The following SAMD4A variants were observed in gnomAD, a reference collection of about 807,000 sequenced individuals.
SAMD4A encodes protein Smaug homolog 1.
SAMD4A carries 33 observed loss-of-function variants against 81.3 expected under a neutral mutation model. That is an observed-to-expected ratio of 0.41 (90% CI 0.31 to 0.54). The LOEUF is 0.54. Ranked by LOEUF, SAMD4A falls within the 20% of genes least tolerant of loss-of-function variation. The pLI is 0.37. For missense variants in SAMD4A, 854 were observed against 951.1 expected, an observed-to-expected ratio of 0.90 and a Z score of 1.34; for synonymous variants, 389 against 382.1, an observed-to-expected ratio of 1.02 and a Z score of -0.21.
chr14:54,570,071 G>A (rs1319651677), intron 2 of SAMD4A, among the ~76,000 whole-genome samples: 1 of 152,132 alleles, frequency 6.6e-6, no homozygotes, highest in Non-Finnish European at 1.5e-5. Flanking sequence ...AAATGATGTA[G>A]ATATACAAAA....
At chr14:54,749,559 A>G (rs1464683242) in intron 5 of SAMD4A, among the ~76,000 whole-genome samples, 1 of 152,210 alleles carries the variant, frequency 6.6e-6, no homozygotes. Context: ...CATAGGTCTC[A>G]GATTTCATTT....
At chr14:54,752,487 G>A (rs1017213528) in intron 6 of SAMD4A, among the ~76,000 whole-genome samples, 1 of 152,232 alleles carries the variant, frequency 6.6e-6, no homozygotes, top group Non-Finnish European at 1.5e-5. Flanking sequence ...GATTTTGGAA[G>A]GGAACAGAGT....
chr14:54,773,581 C>T lies in SAMD4A; in HGVS notation c.1716-1353C>T, dbSNP rs145882063. On this transcript the variant is annotated intron_variant, in intron 9 of 12. Coordinates refer to ENST00000554335, the MANE Select transcript of SAMD4A (RefSeq NM_015589.6). ...TCAGTGCTGAGGTCACCCAACCCAA[C>T]GGCAGCGCCGGCATCTGCACGTGAT... 4.7e-3 allele frequency among the ~76,000 whole-genome samples: 713 copies of T among 152,334 alleles called. 6 individuals carry two copies. The highest frequency in any genetic ancestry group is 0.016 in the African/African-American group (652 of 41,570).
intron 11 of SAMD4A, among the ~76,000 whole-genome samples, chr14:54,778,070 T>A (rs2038905305): frequency 6.6e-6 from 1 of 152,174 alleles, no homozygotes; most frequent in South Asian, 2.1e-4. Flanking sequence ...AGGAGATCTG[T>A]CACCTTGAAT....
At chr14:54,688,993 A>G (rs1190100880) in intron 2 of SAMD4A, among the ~76,000 whole-genome samples, 2 of 138,880 alleles carry the variant, frequency 1.4e-5, no homozygotes, top group Admixed American at 1.5e-4. Context: ...GTCCAATGGC[A>G]CAATCTTGGC....
intron 2 of SAMD4A, among the ~76,000 whole-genome samples, chr14:54,701,549 C>T (rs2036715992): frequency 6.6e-6 from 1 of 152,056 alleles, no homozygotes; most frequent in Non-Finnish European, 1.5e-5. Flanking sequence ...TCTTTTTTTC[C>T]CTGACAAATT....
At chr14:54,662,031 G>A (rs961191602) in intron 2 of SAMD4A, among the ~76,000 whole-genome samples, 18 of 152,222 alleles carry the variant, frequency 1.2e-4, no homozygotes, top group African/African-American at 4.3e-4. Flanking sequence ...AGCCAGAGAA[G>A]GTGATCAGAT....
At chr14:54,623,742 A>G (rs1054672676) in intron 2 of SAMD4A, among the ~76,000 whole-genome samples, 3 of 152,310 alleles carry the variant, frequency 2.0e-5, no homozygotes, top group African/African-American at 7.2e-5. Flanking sequence ...GGGAGGTCCC[A>G]GTTATTACTG....
At chr14:54,737,361 A>ACCAGAG in intron 4 of SAMD4A, 74 bp downstream of exon 4, 1 of 1,565,190 alleles carries the variant, frequency 6.4e-7, no homozygotes, top group Non-Finnish European at 8.7e-7. Flanking sequence ...AAAAAAAGAG[A>ACCAGAG]GGTAGTCAGC....
At chr14:54,702,714 G>A in intron 3 of SAMD4A, 134 bp downstream of exon 3, 2 of 1,100,050 alleles carry the variant, frequency 1.8e-6, no homozygotes, top group African/African-American at 1.6e-5. Flanking sequence ...TTGGCTGTGG[G>A]AAAGGTCCTT....
At chr14:54,601,294 A>G (rs2034046282) in intron 2 of SAMD4A, among the ~76,000 whole-genome samples, 1 of 152,054 alleles carries the variant, frequency 6.6e-6, no homozygotes, top group African/African-American at 2.4e-5. Flanking sequence ...CATGTGGATT[A>G]GCTCTTTTTT....
At chr14:54,701,858 G>T (rs2036727273) in intron 2 of SAMD4A, among the ~76,000 whole-genome samples, 1 of 152,232 alleles carries the variant, frequency 6.6e-6, no homozygotes, top group Admixed American at 6.5e-5. Flanking sequence ...CAATATCTAA[G>T]AATGTTTGAT....
chr14:54,588,777 T>C (rs2033695256), intron 2 of SAMD4A, among the ~76,000 whole-genome samples: 1 of 152,212 alleles, frequency 6.6e-6, no homozygotes, highest in Non-Finnish European at 1.5e-5. Context: ...TTCTTATTAA[T>C]TTATTAGCAC....
chr14:54,680,799 A>AT (rs1370178619), intron 2 of SAMD4A, among the ~76,000 whole-genome samples: 3 of 152,154 alleles, frequency 2.0e-5, no homozygotes, highest in African/African-American at 7.2e-5. Flanking sequence ...TGCCAGTAAG[A>AT]GTGTTGTTAT....
chr14:54,619,206 A>G (rs2034558700), intron 2 of SAMD4A, among the ~76,000 whole-genome samples: 1 of 152,218 alleles, frequency 6.6e-6, no homozygotes. Flanking sequence ...ATGTTAATTC[A>G]TCAAAATCAG....
intron 2 of SAMD4A, among the ~76,000 whole-genome samples, chr14:54,678,430 CATTT>C (rs1169905299): frequency 1.7e-3 from 134 of 78,980 alleles, no homozygotes; most frequent in African/African-American, 4.7e-3. Context: ...GGGCAGTCAC[CATTT>C]GTGTGTGTGT....
intron 2 of SAMD4A, among the ~76,000 whole-genome samples, chr14:54,606,546 C>T (rs1318769651): frequency 1.3e-5 from 2 of 152,144 alleles, no homozygotes; most frequent in Admixed American, 6.5e-5. Flanking sequence ...ACAGTAACCT[C>T]GGGAAGATGA....
intron 2 of SAMD4A, chr14:54,688,443 T>G (rs1299538336): frequency 2.3e-6 from 2 of 862,242 alleles, no homozygotes; most frequent in Non-Finnish European, 2.8e-6. Flanking sequence ...GCTTTAAAAC[T>G]GAAATTCTCA....
At chr14:54,653,313 TTA>T (rs1223369097) in intron 2 of SAMD4A, among the ~76,000 whole-genome samples, 2 of 116,640 alleles carry the variant, frequency 1.7e-5, no homozygotes, top group Non-Finnish European at 3.7e-5. Context: ...ATTATTATTA[TTA>T]TTATTATTAT....
Sources: allele counts gnomAD v4.1 joint callset (sites outside exome capture counted in the v4.1 genomes callset), GRCh38; gene constraint gnomAD v4.1.1; transcripts MANE v1.5; gene names NCBI Gene and HGNC (gene_info 2026-07-23, HGNC 2026-07-21).